GNAO1: variants seen among roughly 807,000 people sequenced by gnomAD.
GNAO1 encodes the protein guanine nucleotide-binding protein G(o) subunit alpha.
For synonymous variants in GNAO1, 164 were observed against 180.7 expected, an observed-to-expected ratio of 0.91 and a Z score of 0.74; for missense variants, 166 against 478.7, an observed-to-expected ratio of 0.35 and a Z score of 6.10.
chr16:56,262,587 C>T (rs1373813308), intron 2 of GNAO1, among the ~76,000 whole-genome samples: 1 of 152,106 alleles, frequency 6.6e-6, no homozygotes, highest in Non-Finnish European at 1.5e-5. Context: ...GAGCAAAGCT[C>T]TGCAGCCGTA....
At chr16:56,291,352 A>C (rs2037230384) in intron 3 of GNAO1, among the ~76,000 whole-genome samples, 2 of 152,162 alleles carry the variant, frequency 1.3e-5, no homozygotes, top group African/African-American at 4.8e-5. Flanking sequence ...GCATTTCCCC[A>C]GTGATTAATG....
chr16:56,353,828 C>T (rs1458380161), intron 7 of GNAO1, among the ~76,000 whole-genome samples: 2 of 152,240 alleles, frequency 1.3e-5, no homozygotes, highest in African/African-American at 4.8e-5. Flanking sequence ...TCCTGCTGGG[C>T]TGCCCAGAGC....
At chr16:56,332,271 C>G (rs2037696714) in intron 4 of GNAO1, among the ~76,000 whole-genome samples, 1 of 152,186 alleles carries the variant, frequency 6.6e-6, no homozygotes, top group Admixed American at 6.6e-5. Flanking sequence ...TCTGGCCACC[C>G]TCACCTCCAC....
chr16:56,349,555 A>T (rs1457828150), intron 6 of GNAO1, among the ~76,000 whole-genome samples: 1 of 152,222 alleles, frequency 6.6e-6, no homozygotes, highest in East Asian at 1.9e-4. Context: ...CCCCGGAGGG[A>T]TCACACAGAT....
chr16:56,340,036 T>A (rs1261605810), intron 6 of GNAO1, among the ~76,000 whole-genome samples: 1 of 152,238 alleles, frequency 6.6e-6, no homozygotes, highest in African/African-American at 2.4e-5. Context: ...CCATGGCCCC[T>A]GTGAGCCCGC....
intron 3 of GNAO1, chr16:56,307,770 A>C (rs1262014448): frequency 6.6e-6 from 1 of 152,178 alleles, no homozygotes; most frequent in Non-Finnish European, 1.5e-5. Context: ...CCCTCTGGCC[A>C]CTGTCTCACT....
At chr16:56,240,728 G>T (rs150745791) in intron 2 of GNAO1, among the ~76,000 whole-genome samples, 10 of 152,178 alleles carry the variant, frequency 6.6e-5, no homozygotes, top group Admixed American at 2.0e-4. Flanking sequence ...CCCTCTCCAG[G>T]CTCAGGGTGC....
chr16:56,270,597 G>A (rs1436908118), intron 2 of GNAO1: 1 of 152,004 alleles, frequency 6.6e-6, no homozygotes, highest in Non-Finnish European at 1.5e-5. Context: ...AGGAGATATG[G>A]GAAGAAAGCA....
intron 2 of GNAO1, chr16:56,193,442 T>C (rs1252303856): frequency 6.5e-6 from 1 of 154,370 alleles, no homozygotes; most frequent in Non-Finnish European, 1.4e-5. Context: ...CCTTTATCAG[T>C]GTATTTATTT....
rs149183749 is a variant in GNAO1 at position 56,226,059 on chromosome 16, G to A, written c.161+33443G>A. Reference sequence around the variant, plus strand: ...TGAGTGTGCAGGGAAGCCATTGGAAGGAGTTAATTAGGAGAGAGATGATCT... The same window carrying A: ...TGAGTGTGCAGGGAAGCCATTGGAAAGAGTTAATTAGGAGAGAGATGATCT... On this transcript the variant is annotated intron_variant, in intron 2 of 8. Coordinates refer to ENST00000262493, the MANE Select transcript of GNAO1 (RefSeq NM_020988.3). Among the ~76,000 whole-genome samples the A allele has an allele frequency of 1.3e-4, 20 of 152,096 alleles. 1 individual carries two copies. In the East Asian group the frequency reaches 3.9e-3, roughly 30 times the overall value.
intron 7 of GNAO1, chr16:56,352,343 G>A (rs1160282411): frequency 2.6e-5 from 4 of 152,464 alleles, no homozygotes; most frequent in Admixed American, 6.5e-5. Flanking sequence ...CCAACTCTGG[G>A]CTACTGCTAA....
At chr16:56,283,952 C>A (rs2037139073) in intron 3 of GNAO1, among the ~76,000 whole-genome samples, 1 of 152,078 alleles carries the variant, frequency 6.6e-6, no homozygotes, top group Non-Finnish European at 1.5e-5. Context: ...AGAGACTTAC[C>A]CAGGGGAATA....
At chr16:56,328,864 T>C (rs2037662020) in intron 4 of GNAO1, 73 bp downstream of exon 4, 1 of 1,483,758 alleles carries the variant, frequency 6.7e-7, no homozygotes, top group South Asian at 1.2e-5. Context: ...GTGATGGGGA[T>C]TGGCAGAGCA....
At chr16:56,336,134 G>A (rs949633720) in intron 5 of GNAO1, among the ~76,000 whole-genome samples, 1 of 152,236 alleles carries the variant, frequency 6.6e-6, no homozygotes, top group Non-Finnish European at 1.5e-5. Context: ...CCCCTCGGGA[G>A]TAGAGTCTGA....
intron 3 of GNAO1, among the ~76,000 whole-genome samples, chr16:56,282,727 C>T (rs556009400): frequency 2.0e-5 from 3 of 152,336 alleles, no homozygotes; most frequent in Non-Finnish European, 2.9e-5. Context: ...CAGGCAAAAC[C>T]GTAAACCTAT....
intron 2 of GNAO1, among the ~76,000 whole-genome samples, chr16:56,238,809 G>A (rs1281085962): frequency 6.6e-6 from 1 of 152,162 alleles, no homozygotes; most frequent in Non-Finnish European, 1.5e-5. Flanking sequence ...AATAAATATA[G>A]CCTATATTTC....
chr16:56,289,138 C>T (rs1448201711), intron 3 of GNAO1, among the ~76,000 whole-genome samples: 1 of 152,196 alleles, frequency 6.6e-6, no homozygotes, highest in Non-Finnish European at 1.5e-5. Context: ...GATGTTCCCA[C>T]AGCCGCTGGG....
Position 56,192,558 on chromosome 16 carries a change from G to A in GNAO1, c.119-16G>A. The stretch of plus-strand genomic sequence containing the variant: ...TGACACTCACCAGTTTTTCCCCACT[G>A]TCTGTGTCCCAACAGGGGCTGGAGA... On this transcript the variant is annotated splice_polypyrimidine_tract_variant and intron_variant, in intron 1 of 8. Coordinates refer to ENST00000262493, the MANE Select transcript of GNAO1 (RefSeq NM_020988.3). The A allele has an allele frequency of 6.3e-7, 1 of 1,577,148 alleles. No homozygotes were observed. The highest frequency in any genetic ancestry group is 8.7e-7 in the Non-Finnish European group (1 of 1,152,994).
intron 3 of GNAO1, among the ~76,000 whole-genome samples, chr16:56,321,164 C>A (rs1041454339): frequency 2.6e-5 from 4 of 152,272 alleles, no homozygotes; most frequent in Admixed American, 2.6e-4. Context: ...CACACATTAG[C>A]CTTGGCCGAC....
Sources: gnomAD v4.1 joint callset for allele counts (sites outside exome capture counted in the v4.1 genomes callset) on GRCh38, gnomAD v4.1.1 for gene constraint, MANE v1.5 for transcripts, NCBI Gene and HGNC (gene_info 2026-07-23, HGNC 2026-07-21) for gene names.